The following MX2 variants were observed in gnomAD, a reference collection of about 807,000 sequenced individuals.
MX2 encodes the protein MX dynamin like GTPase 2.
MX2 carries 51 observed loss-of-function variants against 74.0 expected under a neutral mutation model. That is an observed-to-expected ratio of 0.69 (90% CI 0.55 to 0.87). MX2 has a LOEUF of 0.87. Among genes scored for constraint, MX2 ranks in the 40% least tolerant of loss-of-function variants. MX2 has a pLI of 0.00. For missense variants in MX2, 832 were observed against 908.7 expected, an observed-to-expected ratio of 0.92 and a Z score of 1.09; for synonymous variants, 369 against 339.3, an observed-to-expected ratio of 1.09 and a Z score of -0.96.
chr21:41,408,599 G>A lies in MX2; in HGVS notation c.*366G>A, dbSNP rs1348785570. 5 of 235,804 alleles carry A rather than the reference G, an allele frequency of 2.1e-5. No homozygotes were observed. Among genetic ancestry groups the A allele is most frequent in the Non-Finnish European group, 4.1e-5 (5 of 120,744 alleles). The allele number at this position is 235,804 out of a possible 1,614,324, so 14.6% of individuals were successfully genotyped here. A position where few individuals can be genotyped will look rare whatever the true frequency, so the allele number is the denominator to read the frequency against. On this transcript the variant is annotated 3_prime_UTR_variant, in exon 14 of 14. Coordinates refer to ENST00000330714, the MANE Select transcript of MX2 (RefSeq NM_002463.2). ...TCTGGGTCAAATTCTTCTTTTGTAT[G>A]TCCAGTCTCCTGCACAGCACCTGCA... is the stretch of plus-strand genomic sequence containing the variant.
intron 5 of MX2, chr21:41,389,808 G>A (rs947747469): frequency 1.3e-5 from 2 of 152,130 alleles, no homozygotes; most frequent in African/African-American, 4.8e-5. Flanking sequence ...TATGTAAATT[G>A]TGCCAAAATA....
At chr21:41,400,819 G>A (rs1341654943) in intron 10 of MX2, 1 of 152,266 alleles carries the variant, frequency 6.6e-6, no homozygotes, top group Non-Finnish European at 1.5e-5. Flanking sequence ...CAATTCTCCT[G>A]CCTCAGTCTT....
At chr21:41,379,602 C>T (rs987925185) in intron 3 of MX2, among the ~76,000 whole-genome samples, 3 of 152,152 alleles carry the variant, frequency 2.0e-5, no homozygotes, top group Admixed American at 6.5e-5. Flanking sequence ...GGCTGCCCAC[C>T]GGGACAATTA....
intron 5 of MX2, among the ~76,000 whole-genome samples, chr21:41,385,293 T>G (rs1446132748): frequency 6.6e-6 from 1 of 152,236 alleles, no homozygotes; most frequent in African/African-American, 2.4e-5. Context: ...CACTGATGGT[T>G]TGGCTGTGTC....
chr21:41,367,210 T>A (rs2089273262), intron 1 of MX2: 1 of 152,200 alleles, frequency 6.6e-6, no homozygotes, highest in Admixed American at 6.5e-5. Context: ...TTCTGCAAGG[T>A]AATTTGTTGT....
rs769724783 is a variant in MX2 at position 41,376,998 on chromosome 21, A to C, written c.92A>C (p.Gln31Pro). 3.1e-6 allele frequency: 5 copies of C among 1,614,210 alleles called. No individual in the cohort carries two copies. In the East Asian group the frequency reaches 8.9e-5, roughly 29 times the overall value. Residue 31 changes from glutamine to proline, a missense_variant, in exon 2 of 14, where the codon CAA (glutamine) becomes CCA (proline). Coordinates refer to ENST00000330714, the MANE Select transcript of MX2 (RefSeq NM_002463.2). ...YLKKEMNSFQ[Q>P]QPPPFGTVPP... ...AAAAAAGAAATGAATTCCTTCCAGC[A>C]ACAGCCACCGCCATTCGGCACAGTG...
intron 13 of MX2, among the ~76,000 whole-genome samples, 189 bp downstream of exon 13, chr21:41,407,187 C>G (rs966719915): frequency 2.0e-5 from 3 of 152,174 alleles, no homozygotes; most frequent in Non-Finnish European, 4.4e-5. Context: ...CCTATGAAGG[C>G]ACTTTTAATT....
chr21:41,393,641 G>A (rs934108795), intron 6 of MX2, among the ~76,000 whole-genome samples: 1 of 152,010 alleles, frequency 6.6e-6, no homozygotes, highest in Non-Finnish European at 1.5e-5. Flanking sequence ...TTGGTTCTGG[G>A]CTCTCCTTCT....
intron 6 of MX2, among the ~76,000 whole-genome samples, chr21:41,391,095 G>T (rs562582479): frequency 6.6e-6 from 1 of 151,904 alleles, no homozygotes; most frequent in Non-Finnish European, 1.5e-5. Flanking sequence ...ATCCTGGAAC[G>T]TATCATATGC....
In MX2 at chr21:41,368,609, T is replaced by TA. The variant is rs1373567461; in HGVS notation, c.-72+6555dup. 1.4e-4 allele frequency among the ~76,000 whole-genome samples: 22 copies of TA among 152,212 alleles called. No individual in the cohort carries two copies. Among genetic ancestry groups the TA allele is most frequent in the African/African-American group, 4.8e-4 (20 of 41,456 alleles). ...CCTCTCAAACTTAATCAGCTCATGA[T>TA]ACGCTTAGCAAGACCTGCCCTTCAT... is the stretch of plus-strand genomic sequence containing the variant. On this transcript the variant is annotated intron_variant, in intron 1 of 13. Coordinates refer to ENST00000330714, the MANE Select transcript of MX2 (RefSeq NM_002463.2). The surrounding 1 kb of genome is among the most constrained non-coding windows in gnomAD (Gnocchi z 4.6).
rs372315834 is a variant in MX2 at position 41,408,158 on chromosome 21, C to G, written c.2073C>G (p.Ile691Met). The change falls in exon 14 of 14, where the codon ATC (isoleucine) becomes ATG (methionine). Residue 691 changes from isoleucine to methionine, a missense_variant. Transcript: ENST00000330714. Reference protein sequence around the residue: ...EQSETATKRRILKERIYRLTQ... With the variant: ...EQSETATKRRMLKERIYRLTQ... ...GTGAGACCGCTACCAAGAGAAGAAT[C>G]CTTAAGGAGAGAATTTACCGGCTCA... is the stretch of plus-strand genomic sequence containing the variant. 6.2e-6 allele frequency: 10 copies of G among 1,614,078 alleles called. No individual in the cohort carries two copies. The highest frequency in any genetic ancestry group is 1.7e-5 in the Admixed American group (1 of 60,002).
intron 7 of MX2, among the ~76,000 whole-genome samples, chr21:41,396,916 A>G (rs114891185): frequency 1.3e-3 from 194 of 152,244 alleles, no homozygotes; most frequent in African/African-American, 4.5e-3. Flanking sequence ...GGTGCCCAAG[A>G]CTTCCTGCTT....
intron 10 of MX2, among the ~76,000 whole-genome samples, chr21:41,400,164 A>G (rs2089792703): frequency 1.3e-5 from 2 of 152,146 alleles, no homozygotes; most frequent in Admixed American, 6.5e-5. Context: ...ATACTTATTT[A>G]TTTTGGTGGC....
intron 5 of MX2, among the ~76,000 whole-genome samples, chr21:41,389,141 C>T (rs2089621794): frequency 6.6e-6 from 1 of 151,798 alleles, no homozygotes; most frequent in Non-Finnish European, 1.5e-5. Flanking sequence ...AACGTTAAAA[C>T]TTGTTCAGAA....
chr21:41,396,391 A>G (rs1415639055), intron 7 of MX2, among the ~76,000 whole-genome samples: 2 of 152,230 alleles, frequency 1.3e-5, no homozygotes, highest in Non-Finnish European at 2.9e-5. Flanking sequence ...TTCCCATTGA[A>G]TGGAGCACTT....
chr21:41,374,163 G>A (rs1456587940), intron 1 of MX2: 1 of 152,304 alleles, frequency 6.6e-6, no homozygotes, highest in Non-Finnish European at 1.5e-5. Flanking sequence ...ACATCCTCAG[G>A]AGGAACGGTC....
At chr21:41,390,741 C>G (rs757828663) in intron 6 of MX2, 38 bp downstream of exon 6, 1 of 1,607,560 alleles carries the variant, frequency 6.2e-7, no homozygotes, top group Non-Finnish European at 8.5e-7. Context: ...TGCGGTGGCT[C>G]AAGCCTGTAA....
At chr21:41,372,746 C>T (rs1222367844) in intron 1 of MX2, among the ~76,000 whole-genome samples, 3 of 152,156 alleles carry the variant, frequency 2.0e-5, no homozygotes, top group African/African-American at 4.8e-5. Flanking sequence ...GCTCCAAATG[C>T]CCATCTTATC....
chr21:41,362,746 T>C (rs940528321), intron 1 of MX2, among the ~76,000 whole-genome samples: 15 of 117,234 alleles, frequency 1.3e-4, no homozygotes, highest in Non-Finnish European at 2.7e-4. Flanking sequence ...CGCAGTTTTT[T>C]TTTCTTTTTT....
Sources: allele counts gnomAD v4.1 joint callset (sites outside exome capture counted in the v4.1 genomes callset), GRCh38; gene constraint gnomAD v4.1.1; non-coding constraint Gnocchi (gnomAD v3.1); transcripts MANE v1.5; gene names NCBI Gene and HGNC (gene_info 2026-07-23, HGNC 2026-07-21).